SPART: variants seen among roughly 807,000 people sequenced by gnomAD.
SPART encodes the protein spartin, also known as spastic paraplegia 20 (Troyer syndrome).
SPART carries 35 observed loss-of-function variants against 58.7 expected under a neutral mutation model. The observed-to-expected ratio is 0.60, with a 90% CI of 0.46 to 0.79. The LOEUF (loss-of-function observed/expected upper bound fraction) is 0.79, where lower values mean the gene tolerates loss of function less well. Ranked by LOEUF, SPART falls within the 30% of genes least tolerant of loss-of-function variation. The pLI is 0.00. For missense variants in SPART, 730 were observed against 786.1 expected (o/e 0.93, Z 0.85); for synonymous variants, 284 against 280.7 (o/e 1.01, Z -0.12).
At position 36,326,580 on chromosome 13, in the gene SPART, A is replaced by G. The variant is rs1251764740; in HGVS notation, c.1283T>C (p.Leu428Ser). ...EWSEKVAHNI[L>S]SGASWVSWGL... Reference sequence around the variant, plus strand: ...AATTAACATTACTGTAATACCTGACAAAATGTTGTGAGCCACTTTTTCACT... The same window carrying G: ...AATTAACATTACTGTAATACCTGACGAAATGTTGTGAGCCACTTTTTCACT... Residue 428 changes from leucine (L) to serine (S), a missense_variant, in exon 5 of 9, where the codon TTG (leucine) becomes TCG (serine). Transcript: ENST00000438666. 7.4e-6 allele frequency: 12 copies of G among 1,613,502 alleles called. No individual in the cohort carries two copies. Among genetic ancestry groups the G allele is most frequent in the Non-Finnish European group, 1.0e-5 (12 of 1,179,866 alleles).
At position 36,335,008 on chromosome 13, in the gene SPART, T is replaced by C. The variant is rs1363888842; in HGVS notation, c.810+13A>G. Reference sequence around the variant, plus strand: ...CGTATTTCAAATTATGCTTTCATTTTTCTTTCGCTTACCTGAAGAAACCCG... The same window carrying C: ...CGTATTTCAAATTATGCTTTCATTTCTCTTTCGCTTACCTGAAGAAACCCG... On this transcript the variant is annotated intron_variant, in intron 2 of 8. Transcript: ENST00000438666. The C allele has an allele frequency of 2.5e-6, 4 of 1,606,456 alleles. No homozygotes were observed. In the African/African-American group the frequency reaches 5.4e-5, roughly 21 times the overall value.
rs1214074624 is a variant in SPART at position 36,303,503 on chromosome 13, G to C, written c.*862C>G. ...TATAAATTCCAATGACCGAATCCCAGAATAAAAATGTTTACCATTAGTAAA... is the reference window on the plus strand; with the variant it reads ...TATAAATTCCAATGACCGAATCCCACAATAAAAATGTTTACCATTAGTAAA... On this transcript the variant is annotated 3_prime_UTR_variant, in exon 9 of 9. Coordinates refer to ENST00000438666, the MANE Select transcript of SPART (RefSeq NM_015087.5). 1 of 151,820 alleles carries C rather than the reference G, an allele frequency of 6.6e-6. No individual in the cohort carries two copies. The highest frequency in any genetic ancestry group is 2.4e-5 in the African/African-American group (1 of 41,336). The allele number at this position is 151,820 out of a possible 1,614,324, so 9.4% of individuals were successfully genotyped here. A position where few individuals can be genotyped will look rare whatever the true frequency, so the allele number is the denominator to read the frequency against.
intron 8 of SPART, among the ~76,000 whole-genome samples, chr13:36,305,348 CT>C (rs1880414430): frequency 6.6e-6 from 1 of 152,114 alleles, no homozygotes; most frequent in Admixed American, 6.5e-5. Flanking sequence ...CTTTACACTG[CT>C]TTTTTTCTCC....
intron 1 of SPART, among the ~76,000 whole-genome samples, chr13:36,336,779 C>A (rs1884048348): frequency 6.6e-6 from 1 of 152,158 alleles, no homozygotes; most frequent in Non-Finnish European, 1.5e-5. Flanking sequence ...ATCCTTAAAA[C>A]AACCCAAATG....
rs77028483 is a variant in SPART at position 36,369,263 on chromosome 13, G to C, written c.-3+826C>G. On this transcript the variant is annotated intron_variant, in intron 1 of 8. Transcript: ENST00000355182. The stretch of plus-strand genomic sequence containing the variant: ...AGAAGCTGTTGTTGAAAAAATGGTA[G>C]AGTTATTAGGAGTGTTGCAATGTAC... Among the ~76,000 whole-genome samples, 804 of 152,194 alleles carry C rather than the reference G, an allele frequency of 5.3e-3. 5 individuals are homozygous for C. The highest frequency in any genetic ancestry group is 0.018 in the African/African-American group (759 of 41,522).
At chr13:36,305,637 GATA>G (rs1006805869) in intron 8 of SPART, among the ~76,000 whole-genome samples, 2 of 152,006 alleles carry the variant, frequency 1.3e-5, no homozygotes, top group African/African-American at 2.4e-5. Context: ...AGTTATTATT[GATA>G]ATAATAATAT....
In SPART at chr13:36,304,256, A is replaced by T. The variant is rs1880256009; in HGVS notation, c.*109T>A. On this transcript the variant is annotated 3_prime_UTR_variant, in exon 9 of 9. Coordinates refer to ENST00000438666, the MANE Select transcript of SPART (RefSeq NM_015087.5). ...TTATGAAAGTTAATTTGTAGGAATG[A>T]ATACATTTAAAAAATACTGGTTAAT... is the stretch of plus-strand genomic sequence containing the variant. 5.4e-6 allele frequency: 7 copies of T among 1,290,962 alleles called. No individual in the cohort carries two copies. In the Middle Eastern group the frequency reaches 1.6e-3, roughly 291 times the overall value. 80.0% of individuals were successfully genotyped at this position (1,290,962 alleles called of 1,614,324 possible).
chr13:36,319,361 T>C (rs4390466), intron 5 of SPART, among the ~76,000 whole-genome samples: 144,844 of 146,730 alleles, frequency 0.99, 71,522 homozygotes, highest in East Asian at 1. Flanking sequence ...TCTACTCCCT[T>C]CTTGGCAACC....
chr13:36,354,753 G>A (rs770140811), intron 1 of SPART, among the ~76,000 whole-genome samples: 3 of 152,164 alleles, frequency 2.0e-5, no homozygotes, highest in Non-Finnish European at 4.4e-5. Context: ...AGTCCTCCTA[G>A]TGAACTGTCA....
intron 5 of SPART, among the ~76,000 whole-genome samples, chr13:36,316,434 C>G (rs1023238011): frequency 6.6e-6 from 1 of 152,150 alleles, no homozygotes; most frequent in African/African-American, 2.4e-5. Flanking sequence ...ATGCCCTGCC[C>G]CACCTTAACT....
At chr13:36,309,762 C>G (rs987839147) in intron 8 of SPART, among the ~76,000 whole-genome samples, 2 of 152,066 alleles carry the variant, frequency 1.3e-5, no homozygotes, top group African/African-American at 4.8e-5. Context: ...AGCTAAAAGA[C>G]CATCTATTGG....
At chr13:36,337,941 T>C (rs911136898) in intron 1 of SPART, among the ~76,000 whole-genome samples, 1 of 152,220 alleles carries the variant, frequency 6.6e-6, no homozygotes, top group African/African-American at 2.4e-5. Context: ...ATATTTTCTA[T>C]TCCTGAAATT....
chr13:36,327,108 G>C (rs909189242), intron 4 of SPART, among the ~76,000 whole-genome samples: 2 of 152,096 alleles, frequency 1.3e-5, no homozygotes, highest in South Asian at 4.1e-4. Context: ...TCATAAACTG[G>C]TTTTGACAGA....
chr13:36,353,512 G>C (rs899783014), intron 1 of SPART, among the ~76,000 whole-genome samples: 10 of 152,318 alleles, frequency 6.6e-5, no homozygotes, highest in African/African-American at 2.4e-4. Flanking sequence ...TGGGGAGTTA[G>C]GAGACATCTC....
chr13:36,348,610 CAAG>C (rs1885289631), upstream of SPART, among the ~76,000 whole-genome samples: 1 of 86,512 alleles, frequency 1.2e-5, no homozygotes, highest in African/African-American at 3.3e-5. Flanking sequence ...ATAATATTAT[CAAG>C]AAGAATAAAA....
chr13:36,309,080 T>C (rs997100226), intron 8 of SPART, among the ~76,000 whole-genome samples: 1 of 152,146 alleles, frequency 6.6e-6, no homozygotes, highest in African/African-American at 2.4e-5. Flanking sequence ...CTGTCTGTAC[T>C]GAACATACAA....
intron 4 of SPART, among the ~76,000 whole-genome samples, chr13:36,328,359 A>C (rs1883154005): frequency 6.6e-6 from 1 of 152,166 alleles, no homozygotes; most frequent in African/African-American, 2.4e-5. Context: ...TGTTTTATTC[A>C]TATACTTGCT....
At chr13:36,339,627 C>CAAAAAAAAAAAAA (rs71084420) in intron 1 of SPART, among the ~76,000 whole-genome samples, 3 of 38,808 alleles carry the variant, frequency 7.7e-5, no homozygotes, top group East Asian at 7.9e-4. Flanking sequence ...ACGACTCCAT[C>CAAAAAAAAAAAAA]AAAAAAAAAA....
intron 1 of SPART, among the ~76,000 whole-genome samples, chr13:36,343,052 C>T (rs1884732645): frequency 6.6e-6 from 1 of 152,186 alleles, no homozygotes; most frequent in East Asian, 1.9e-4. Flanking sequence ...TTAGGCACAA[C>T]TCCCACTATC....
Sources: gnomAD v4.1 joint callset for allele counts (sites outside exome capture counted in the v4.1 genomes callset) on GRCh38, gnomAD v4.1.1 for gene constraint, MANE v1.5 for transcripts, NCBI Gene and HGNC (gene_info 2026-07-23, HGNC 2026-07-21) for gene names.